Variants in SH3RF3 observed in about 807,000 individuals in gnomAD.
The protein encoded by SH3RF3 is E3 ubiquitin-protein ligase SH3RF3.
Under a neutral mutation model 66.3 loss-of-function variants are expected in SH3RF3, and 29 were observed. That is an observed-to-expected ratio of 0.44 (90% CI 0.33 to 0.60). The LOEUF (loss-of-function observed/expected upper bound fraction) is 0.60, where lower values mean the gene tolerates loss of function less well. SH3RF3 is among the 20% of genes least tolerant of loss of function. The pLI, the probability that SH3RF3 is intolerant of heterozygous loss-of-function variation, is 0.04. For missense variants in SH3RF3, 1,194 were observed against 1,190.9 expected, an observed-to-expected ratio of 1.00 and a Z score of -0.04; for synonymous variants, 583 against 532.0, an observed-to-expected ratio of 1.10 and a Z score of -1.32.
intron 8 of SH3RF3, among the ~76,000 whole-genome samples, chr2:109,477,103 A>G (rs182107940): frequency 6.6e-6 from 1 of 152,280 alleles, no homozygotes; most frequent in Non-Finnish European, 1.5e-5. Flanking sequence ...GCCTCATGTT[A>G]CCTAGCCCCT....
At chr2:109,162,415 T>A (rs140942010) in intron 1 of SH3RF3, among the ~76,000 whole-genome samples, 1,930 of 152,302 alleles carry the variant, frequency 0.013, 55 homozygotes, top group African/African-American at 0.044. Context: ...TTATTTATTT[T>A]TAATTTTTTT....
chr2:109,347,525 C>A (rs995518027), intron 1 of SH3RF3, 149 bp from the exon 2 acceptor site: 2 of 1,091,464 alleles, frequency 1.8e-6, no homozygotes, highest in African/African-American at 3.2e-5. Context: ...CAGGCTGTTT[C>A]TTTAAAATAT....
intron 7 of SH3RF3, among the ~76,000 whole-genome samples, chr2:109,443,767 A>G (rs569443514): frequency 6.6e-6 from 1 of 152,364 alleles, no homozygotes; most frequent in South Asian, 2.1e-4. Flanking sequence ...GGATAAAGGT[A>G]CAAGGAGAAA....
At chr2:109,271,114 C>T (rs17035273) in intron 1 of SH3RF3, among the ~76,000 whole-genome samples, 48,679 of 152,060 alleles carry the variant, frequency 0.32, 8,362 homozygotes, top group South Asian at 0.42. Flanking sequence ...AGCCAGCGAA[C>T]GGGGCGAAGT....
chr2:109,437,345 A>G (rs572010529), intron 7 of SH3RF3, among the ~76,000 whole-genome samples, 199 bp downstream of exon 7: 1 of 151,796 alleles, frequency 6.6e-6, no homozygotes, highest in East Asian at 2.0e-4. Context: ...GGTGGGCCTT[A>G]AAGGCATAAA....
intron 1 of SH3RF3, among the ~76,000 whole-genome samples, chr2:109,207,697 A>G (rs1057132658): frequency 1.6e-4 from 24 of 152,186 alleles, no homozygotes; most frequent in African/African-American, 5.8e-4. Context: ...TTCACATGGA[A>G]ACAAAACATT....
chr2:109,247,013 T>G (rs533049289), intron 1 of SH3RF3, among the ~76,000 whole-genome samples: 2 of 152,360 alleles, frequency 1.3e-5, no homozygotes, highest in East Asian at 3.9e-4. Flanking sequence ...GGTCGGACCC[T>G]CACTTTTTGA....
chr2:109,364,208 G>T (rs1234207407), intron 2 of SH3RF3, among the ~76,000 whole-genome samples: 8 of 150,894 alleles, frequency 5.3e-5, no homozygotes, highest in African/African-American at 1.5e-4. Flanking sequence ...CCATGGTGGA[G>T]GTTTCTATTG....
intron 1 of SH3RF3, among the ~76,000 whole-genome samples, chr2:109,158,860 C>G (rs1469013273): frequency 6.6e-6 from 1 of 152,156 alleles, no homozygotes; most frequent in Non-Finnish European, 1.5e-5. Context: ...GTCCTTATGA[C>G]AAGCCAGCCA....
At chr2:109,253,115 C>G (rs1356299603) in intron 1 of SH3RF3, among the ~76,000 whole-genome samples, 2 of 152,106 alleles carry the variant, frequency 1.3e-5, no homozygotes, top group Non-Finnish European at 2.9e-5. Context: ...GCAACCTCCA[C>G]CTCACGAGTT....
intron 4 of SH3RF3, among the ~76,000 whole-genome samples, chr2:109,408,749 G>A (rs543483653): frequency 6.6e-6 from 1 of 152,366 alleles, no homozygotes; most frequent in Non-Finnish European, 1.5e-5. Context: ...CTGTAAAGGA[G>A]GCACTTTCTG....
intron 1 of SH3RF3, among the ~76,000 whole-genome samples, chr2:109,256,185 C>T (rs1419803159): frequency 6.6e-6 from 1 of 152,200 alleles, no homozygotes; most frequent in Non-Finnish European, 1.5e-5. Context: ...TGAGTCCTGT[C>T]CCCTGAGTGG....
At chr2:109,366,691 A>G (rs1308290720) in intron 2 of SH3RF3, among the ~76,000 whole-genome samples, 1 of 152,110 alleles carries the variant, frequency 6.6e-6, no homozygotes, top group African/African-American at 2.4e-5. Context: ...TCTACAAATA[A>G]TAATCAACAA....
chr2:109,251,505 A>C (rs1680090729), intron 1 of SH3RF3: 2 of 743,290 alleles, frequency 2.7e-6, no homozygotes, highest in African/African-American at 3.4e-5. Flanking sequence ...GACATGTCCA[A>C]GGAATATTGT....
At position 109,335,334 on chromosome 2, in the gene SH3RF3, T is replaced by A. The variant is rs969394019; in HGVS notation, c.574-12340T>A. Among the ~76,000 whole-genome samples the A allele has an allele frequency of 3.9e-5, 6 of 152,220 alleles. No homozygotes were observed. The South Asian group carries it at 6.2e-4, about 16-fold the overall frequency. ...TCTCCCTATGCCTCAAGTTTCCACATTGAAAACTCTCAATGGCGTTTATTT... is the reference window on the plus strand; with the variant it reads ...TCTCCCTATGCCTCAAGTTTCCACAATGAAAACTCTCAATGGCGTTTATTT... On this transcript the variant is annotated intron_variant, in intron 1 of 9. Coordinates refer to ENST00000309415, the MANE Select transcript of SH3RF3 (RefSeq NM_001099289.3).
chr2:109,199,608 GGA>G (rs1678606639), intron 1 of SH3RF3, among the ~76,000 whole-genome samples: 2 of 234 alleles, frequency 8.5e-3, no homozygotes, highest in African/African-American at 0.012. Context: ...GGAATGGAAT[GGA>G]ATGGAATGGA....
intron 9 of SH3RF3, among the ~76,000 whole-genome samples, chr2:109,494,382 C>T (rs928824895): frequency 6.6e-6 from 1 of 152,136 alleles, no homozygotes; most frequent in Non-Finnish European, 1.5e-5. Context: ...CTCATGAGCC[C>T]CAGAAGTGCC....
chr2:109,437,172 C>A, intron 7 of SH3RF3, 26 bp downstream of exon 7: 1 of 1,587,248 alleles, frequency 6.3e-7, no homozygotes, highest in East Asian at 2.3e-5. Flanking sequence ...CCTCACCCTG[C>A]AGGGCATCAA....
chr2:109,434,388 T>C (rs1441186489), intron 6 of SH3RF3, among the ~76,000 whole-genome samples: 1 of 152,220 alleles, frequency 6.6e-6, no homozygotes, highest in Non-Finnish European at 1.5e-5. Context: ...TTCCTTTATC[T>C]TTACCTGAGA....
Sources: gnomAD v4.1 joint callset for allele counts (sites outside exome capture counted in the v4.1 genomes callset) on GRCh38, gnomAD v4.1.1 for gene constraint, MANE v1.5 for transcripts, NCBI Gene and HGNC (gene_info 2026-07-23, HGNC 2026-07-21) for gene names.